The following WDR35 variants were observed in gnomAD, a reference collection of about 807,000 sequenced individuals.
The protein encoded by WDR35 is WD repeat domain 35, also known as WD repeat-containing protein 35.
In WDR35, 118 loss-of-function variants were observed where a neutral mutation model predicts 158.3. The ratio of observed to expected loss-of-function variants is 0.75; its 90% CI spans 0.64 to 0.87. WDR35 has a LOEUF of 0.87. Among genes scored for constraint, WDR35 ranks in the 40% least tolerant of loss-of-function variants. The pLI is 0.00. For missense variants in WDR35, 1,263 were observed against 1,405.8 expected (o/e 0.90, Z 1.62); for synonymous variants, 448 against 476.1 (o/e 0.94, Z 0.77).
At chr2:19,973,507 C>A (rs1193198091) in intron 8 of WDR35, 56 bp downstream of exon 8, 4 of 1,611,334 alleles carry the variant, frequency 2.5e-6, no homozygotes, top group Admixed American at 3.3e-5. Context: ...TTTTCCTCTA[C>A]CTTACTCACT....
In WDR35 at chr2:19,975,458, T is replaced by C. The variant is rs1572362710; in HGVS notation, c.570+72A>G. 3.3e-6 allele frequency: 5 copies of C among 1,496,574 alleles called. No homozygotes were observed. The African/African-American group carries it at 4.2e-5, about 13-fold the overall frequency. 92.7% of individuals were successfully genotyped at this position (1,496,574 alleles called of 1,614,324 possible). A position where few individuals can be genotyped will look rare whatever the true frequency, so the allele number is the denominator to read the frequency against. ...AACCGCCATAAAAAATAAATGTATA[T>C]ACAAACATGAATGATATGTACGATA... On this transcript the variant is annotated intron_variant, in intron 6 of 26. Transcript: ENST00000281405.
Position 19,931,257 on chromosome 2 carries a change from G to T in WDR35, c.2964+12C>A. 1 of 1,606,396 alleles carries T rather than the reference G, an allele frequency of 6.2e-7. No homozygotes were observed. The highest frequency in any genetic ancestry group is 8.5e-7 in the Non-Finnish European group (1 of 1,177,560). ...TTCCAATGATGTAATGTTATTTAAC[G>T]TGCTACTTTACCTCTGAACTTTTTC... On this transcript the variant is annotated intron_variant, in intron 24 of 26. Transcript: ENST00000281405.
intron 10 of WDR35, among the ~76,000 whole-genome samples, chr2:19,961,374 C>G (rs565303003): frequency 2.0e-4 from 30 of 152,188 alleles, no homozygotes; most frequent in Non-Finnish European, 3.5e-4. Flanking sequence ...AAACAATAGT[C>G]AACACTATAG....
In WDR35 at chr2:19,969,561, T is replaced by G; in HGVS notation, c.927A>C (p.Leu309=). Reference sequence around the variant, plus strand: ...TTTTCAGTCCACCTCCTTCCCAAGATAGTGCAGATATTTCCTTTCCAGGAA... The same window carrying G: ...TTTTCAGTCCACCTCCTTCCCAAGAGAGTGCAGATATTTCCTTTCCAGGAA... The part of the protein sequence containing the change: ...LKVPGKEISA[L]SWEGGGLKIA... Residue 309 remains leucine, a synonymous_variant, in exon 9 of 27, where the codon CTA becomes CTC. Coordinates refer to ENST00000281405, the MANE Select transcript of WDR35 (RefSeq NM_020779.4). The G allele has an allele frequency of 6.2e-7, 1 of 1,613,932 alleles. No individual in the cohort carries two copies. The highest frequency in any genetic ancestry group is 8.5e-7 in the Non-Finnish European group (1 of 1,179,914).
At chr2:19,949,033 C>G (rs114213969) in intron 13 of WDR35, among the ~76,000 whole-genome samples, 1,782 of 152,256 alleles carry the variant, frequency 0.012, 36 homozygotes, top group African/African-American at 0.04. Context: ...TGAATAAGCT[C>G]ATAGTCTAGT....
intron 23 of WDR35, 95 bp downstream of exon 23, chr2:19,932,188 T>C (rs758729374): frequency 2.3e-5 from 35 of 1,517,258 alleles, no homozygotes; most frequent in Non-Finnish European, 3.1e-5. Context: ...CTGTAATAAA[T>C]ATTTGTTTCC....
chr2:19,942,994 A>T (rs903410415), intron 16 of WDR35, among the ~76,000 whole-genome samples: 1 of 152,120 alleles, frequency 6.6e-6, no homozygotes, highest in African/African-American at 2.4e-5. Context: ...CCATATAATG[A>T]GTGTCCTGAA....
At chr2:19,980,362 C>T (rs1672345897) in intron 4 of WDR35, among the ~76,000 whole-genome samples, 1 of 151,720 alleles carries the variant, frequency 6.6e-6, no homozygotes, top group Admixed American at 6.6e-5. Flanking sequence ...TAATTATAAA[C>T]TGGAACTACC....
chr2:19,946,357 C>A, intron 15 of WDR35, 104 bp downstream of exon 15: 6 of 998,210 alleles, frequency 6.0e-6, no homozygotes, highest in Non-Finnish European at 9.5e-6. Context: ...AAGACAAGTT[C>A]ATAATAGACA....
chr2:19,972,499 T>G (rs997540223), intron 8 of WDR35, among the ~76,000 whole-genome samples: 1 of 151,606 alleles, frequency 6.6e-6, no homozygotes, highest in Non-Finnish European at 1.5e-5. Context: ...AAGGAGGCTA[T>G]AAATATAGAA....
Position 19,913,322 on chromosome 2 carries a change from T to G in WDR35, c.*236A>C. ...AACAAGATAAACAAAAGAGAGAGGGTGAGAGAAAACATGGTTGATTTTCAT... is the reference window on the plus strand; with the variant it reads ...AACAAGATAAACAAAAGAGAGAGGGGGAGAGAAAACATGGTTGATTTTCAT... On this transcript the variant is annotated 3_prime_UTR_variant, in exon 27 of 27. Coordinates refer to ENST00000281405, the MANE Select transcript of WDR35 (RefSeq NM_020779.4). 4.6e-6 allele frequency: 2 copies of G among 436,396 alleles called. No individual in the cohort carries two copies. The highest frequency in any genetic ancestry group is 8.2e-6 in the Non-Finnish European group (2 of 245,204). The allele number at this position is 436,396 out of a possible 1,614,324, so 27.0% of individuals were successfully genotyped here. A position where few individuals can be genotyped will look rare whatever the true frequency, so the allele number is the denominator to read the frequency against.
At chr2:19,922,985 G>T (rs555978360) in intron 25 of WDR35, among the ~76,000 whole-genome samples, 17 of 152,128 alleles carry the variant, frequency 1.1e-4, no homozygotes, top group Non-Finnish European at 1.8e-4. Context: ...ACATGCTCCT[G>T]CTGCAGATAA....
At chr2:19,956,752 C>G (rs1671452242) in intron 11 of WDR35, among the ~76,000 whole-genome samples, 2 of 151,428 alleles carry the variant, frequency 1.3e-5, no homozygotes, top group Non-Finnish European at 2.9e-5. Flanking sequence ...TCCAGTGTAG[C>G]TGGGACTACA....
At chr2:19,984,169 A>C (rs1442881970) in intron 2 of WDR35, among the ~76,000 whole-genome samples, 3 of 152,116 alleles carry the variant, frequency 2.0e-5, no homozygotes, top group African/African-American at 7.2e-5. Context: ...TTGACAAAAC[A>C]CATGCTGACA....
chr2:19,988,994 A>G (rs183729780), intron 2 of WDR35, among the ~76,000 whole-genome samples, 171 bp downstream of exon 2: 81 of 152,338 alleles, frequency 5.3e-4, no homozygotes, highest in African/African-American at 1.8e-3. Context: ...TACATTCAAC[A>G]TTCTCTGAAC....
intron 20 of WDR35, 30 bp downstream of exon 20, chr2:19,936,189 T>G: frequency 6.2e-7 from 1 of 1,613,664 alleles, no homozygotes; most frequent in Non-Finnish European, 8.5e-7. Context: ...GTTGCATGAA[T>G]GCTTGAGGAG....
chr2:19,937,695 T>G, intron 19 of WDR35, 48 bp downstream of exon 19: 1 of 1,610,420 alleles, frequency 6.2e-7, no homozygotes, highest in Middle Eastern at 1.7e-4. Context: ...AAAAATACAA[T>G]GATGAACTGA....
intron 11 of WDR35, among the ~76,000 whole-genome samples, chr2:19,958,338 C>A (rs561944360): frequency 1.3e-5 from 2 of 152,242 alleles, no homozygotes; most frequent in Non-Finnish European, 2.9e-5. Flanking sequence ...TCAAATGAAA[C>A]CTTCTCTAAG....
chr2:19,945,288 A>G (rs933990375), intron 16 of WDR35, among the ~76,000 whole-genome samples: 3 of 152,196 alleles, frequency 2.0e-5, no homozygotes, highest in South Asian at 4.1e-4. Context: ...ATTTGTAAGA[A>G]TATCTGGGTT....
Sources: allele counts gnomAD v4.1 joint callset (sites outside exome capture counted in the v4.1 genomes callset), GRCh38; gene constraint gnomAD v4.1.1; transcripts MANE v1.5; gene names NCBI Gene and HGNC (gene_info 2026-07-23, HGNC 2026-07-21).